Variants in OSBPL1A observed in about 807,000 individuals in gnomAD.
OSBPL1A encodes the protein oxysterol binding protein like 1A.
A neutral mutation model predicts 137.1 loss-of-function variants in OSBPL1A; 80 were observed. That is an observed-to-expected ratio of 0.58 (90% CI 0.49 to 0.70). OSBPL1A has a LOEUF of 0.70. Among genes scored for constraint, OSBPL1A ranks in the 30% least tolerant of loss-of-function variants. The probability of loss-of-function intolerance (pLI) is 0.00; values close to 1 mark genes in which losing one functional copy is unlikely to be tolerated. For synonymous variants in OSBPL1A, 365 were observed against 389.7 expected (o/e 0.94, Z 0.75); for missense variants, 970 against 1,129.4 (o/e 0.86, Z 2.02).
intron 15 of OSBPL1A, among the ~76,000 whole-genome samples, chr18:24,253,657 G>T (rs1403638282): frequency 1.3e-5 from 2 of 152,198 alleles, no homozygotes; most frequent in African/African-American, 4.8e-5. Flanking sequence ...TGGTCAGGTT[G>T]AAGATGGAAT....
chr18:24,283,056 A>G (rs2089991562), intron 14 of OSBPL1A, among the ~76,000 whole-genome samples: 1 of 151,406 alleles, frequency 6.6e-6, no homozygotes, highest in African/African-American at 2.4e-5. Flanking sequence ...TTTCTATACT[A>G]CTGTTCAAGA....
chr18:24,185,608 T>G (rs562190750), intron 18 of OSBPL1A, among the ~76,000 whole-genome samples: 93 of 152,158 alleles, frequency 6.1e-4, no homozygotes, highest in Non-Finnish European at 1.2e-3. Flanking sequence ...CATGAGCCAC[T>G]GCACCCATCC....
At chr18:24,163,608 C>T (rs1229110459) in intron 27 of OSBPL1A, among the ~76,000 whole-genome samples, 1 of 151,418 alleles carries the variant, frequency 6.6e-6, no homozygotes, top group Non-Finnish European at 1.5e-5. Context: ...TAGCCTGGGT[C>T]TTATTTTCCA....
intron 1 of OSBPL1A, among the ~76,000 whole-genome samples, chr18:24,396,942 G>A (rs975130779): frequency 6.6e-6 from 1 of 152,118 alleles, no homozygotes; most frequent in Non-Finnish European, 1.5e-5. Context: ...ACTATTCACA[G>A]ACACCTAATA....
chr18:24,334,469 T>TA (rs1325987047), intron 5 of OSBPL1A, 139 bp from the exon 6 acceptor site: 1 of 553,264 alleles, frequency 1.8e-6, no homozygotes, highest in African/African-American at 2.0e-5. Flanking sequence ...TTATTGTTAT[T>TA]ACCTTACAAT....
intron 4 of OSBPL1A, among the ~76,000 whole-genome samples, chr18:24,346,585 GCTT>G (rs2091349463): frequency 6.6e-6 from 1 of 151,968 alleles, no homozygotes; most frequent in Admixed American, 6.6e-5. Context: ...TTTGTGTCTG[GCTT>G]CTTTCAGTTA....
At chr18:24,270,567 G>A (rs184529530) in intron 15 of OSBPL1A, among the ~76,000 whole-genome samples, 93 of 152,254 alleles carry the variant, frequency 6.1e-4, no homozygotes, top group Middle Eastern at 3.4e-3. Flanking sequence ...GTAGCACTGG[G>A]ACAGAGGCTG....
chr18:24,166,283 T>C (rs1057269018), intron 26 of OSBPL1A, among the ~76,000 whole-genome samples: 1 of 152,198 alleles, frequency 6.6e-6, no homozygotes, highest in Non-Finnish European at 1.5e-5. Flanking sequence ...CAAGGTGCTA[T>C]GTAAATTCTG....
chr18:24,288,130 A>G (rs1473382781), intron 14 of OSBPL1A, among the ~76,000 whole-genome samples: 1 of 152,244 alleles, frequency 6.6e-6, no homozygotes, highest in African/African-American at 2.4e-5. Context: ...CTGAAAACAC[A>G]TAAGAACATA....
At chr18:24,175,098 C>T (rs1162869658) in intron 21 of OSBPL1A, among the ~76,000 whole-genome samples, 2 of 66,040 alleles carry the variant, frequency 3.0e-5, no homozygotes, top group Admixed American at 2.0e-4. Context: ...TGCTTATTTG[C>T]CATGTGTATG....
chr18:24,179,620 C>T (rs2086545085), intron 20 of OSBPL1A, 118 bp downstream of exon 20: 1 of 792,914 alleles, frequency 1.3e-6, no homozygotes, highest in Non-Finnish European at 2.1e-6. Context: ...TAGAAACAAA[C>T]ATCAAAATTG....
intron 15 of OSBPL1A, among the ~76,000 whole-genome samples, chr18:24,248,753 A>G (rs1448380504): frequency 1.3e-5 from 2 of 152,240 alleles, no homozygotes; most frequent in African/African-American, 4.8e-5. Context: ...AACAGAAGAA[A>G]GACTTGGTAA....
Position 24,280,938 on chromosome 18 carries a change from T to C in OSBPL1A, c.1185A>G (p.Pro395=). The change falls in exon 15 of 28, where the codon CCA becomes CCG. Residue 395 remains proline, a synonymous_variant. Coordinates refer to ENST00000319481, the MANE Select transcript of OSBPL1A (RefSeq NM_080597.4). ...KECDMAKEML[P]SFLQKVEVVS... is the part of the protein sequence containing the mutation. ...CAACTTCAACTTTCTGAAGAAATGA[T>C]GGAAGCATTTCTATAAAGAAAAAAA... 6.2e-7 allele frequency: 1 copy of C among 1,600,484 alleles called. No individual in the cohort carries two copies. Among genetic ancestry groups the C allele is most frequent in the Non-Finnish European group, 8.5e-7 (1 of 1,175,782 alleles).
chr18:24,349,303 A>G (rs894469679), intron 4 of OSBPL1A, among the ~76,000 whole-genome samples: 2 of 152,186 alleles, frequency 1.3e-5, no homozygotes, highest in African/African-American at 4.8e-5. Context: ...AGATCTAGAC[A>G]GACAAGAAAA....
At chr18:24,179,917 C>A in intron 19 of OSBPL1A, 82 bp from the exon 20 acceptor site, 1 of 1,010,718 alleles carries the variant, frequency 9.9e-7, no homozygotes, top group African/African-American at 1.6e-5. Flanking sequence ...TTGCTGAAGA[C>A]AGTAATTTAC....
chr18:24,319,981 CAAAA>C (rs56140141), intron 7 of OSBPL1A, among the ~76,000 whole-genome samples: 3 of 77,530 alleles, frequency 3.9e-5, no homozygotes, highest in African/African-American at 1.5e-4. Context: ...CTTATCTCTA[CAAAA>C]AAAAAAAAAA....
At chr18:24,349,744 A>G (rs922987615) in intron 4 of OSBPL1A, among the ~76,000 whole-genome samples, 2 of 33,092 alleles carry the variant, frequency 6.0e-5, no homozygotes, top group Non-Finnish European at 1.2e-4. Flanking sequence ...AAAAAAAAAC[A>G]ACAACAGTGA....
At chr18:24,296,125 C>A (rs749994555) in intron 14 of OSBPL1A, among the ~76,000 whole-genome samples, 2 of 152,138 alleles carry the variant, frequency 1.3e-5, no homozygotes, top group Admixed American at 1.3e-4. Context: ...ATTGATTCTT[C>A]CCATCCATGA....
intron 13 of OSBPL1A, among the ~76,000 whole-genome samples, chr18:24,304,576 C>A (rs1297093749): frequency 6.6e-6 from 1 of 152,092 alleles, no homozygotes; most frequent in Admixed American, 6.6e-5. Flanking sequence ...TATAAACAAT[C>A]GAATCACATT....
Sources: allele counts gnomAD v4.1 joint callset (sites outside exome capture counted in the v4.1 genomes callset), GRCh38; gene constraint gnomAD v4.1.1; transcripts MANE v1.5; gene names NCBI Gene and HGNC (gene_info 2026-07-23, HGNC 2026-07-21).